The following UNC13C variants were observed in gnomAD, a reference collection of about 807,000 sequenced individuals.
The protein encoded by UNC13C is unc-13 homolog C, also known as protein unc-13 homolog C.
UNC13C carries 174 observed loss-of-function variants against 245.4 expected under a neutral mutation model. The ratio of observed to expected loss-of-function variants is 0.71; its 90% CI spans 0.63 to 0.80. The LOEUF (loss-of-function observed/expected upper bound fraction) is 0.80, where lower values mean the gene tolerates loss of function less well. Among genes scored for constraint, UNC13C ranks in the 30% least tolerant of loss-of-function variants. UNC13C has a pLI of 0.00. For synonymous variants in UNC13C, 992 were observed against 895.1 expected (o/e 1.11, Z -1.93); for missense variants, 2,829 against 2,602.9 (o/e 1.09, Z -1.89).
the UNC13C span, among the ~76,000 whole-genome samples, chr15:53,952,305 T>C: frequency 1.6e-4 from 25 of 152,174 alleles, no homozygotes; most frequent in Admixed American, 5.9e-4. Flanking sequence ...GACAATATCA[T>C]CTCTATTGGA....
chr15:54,451,733 A>G lies in UNC13C; in HGVS notation c.4933+36666A>G, dbSNP rs142848031. ...CTTACTGACCTTATTTAATATCATT[A>G]CTTTTAATTTTTCTGGTATTTGATA... On this transcript the variant is annotated intron_variant, in intron 19 of 32. Transcript: ENST00000260323. 7.2e-3 allele frequency among the ~76,000 whole-genome samples: 1,094 copies of G among 152,190 alleles called. 10 individuals carry two copies. The highest frequency in any genetic ancestry group is 0.037 in the Middle Eastern group (11 of 294).
intron 22 of UNC13C, among the ~76,000 whole-genome samples, chr15:54,503,860 TC>T (rs1397143567): frequency 6.6e-6 from 1 of 152,132 alleles, no homozygotes; most frequent in East Asian, 1.9e-4. Flanking sequence ...TATACTAAAA[TC>T]CCATTATCTT....
chr15:54,564,361 T>C (rs1284051056), intron 29 of UNC13C, among the ~76,000 whole-genome samples: 2 of 152,048 alleles, frequency 1.3e-5, no homozygotes, highest in Non-Finnish European at 2.9e-5. Flanking sequence ...TCTAAAACTT[T>C]AGGGACCTTT....
chr15:54,571,473 G>T (rs1250732236), intron 30 of UNC13C, among the ~76,000 whole-genome samples: 1 of 152,182 alleles, frequency 6.6e-6, no homozygotes, highest in African/African-American at 2.4e-5. Flanking sequence ...TTCCAGATGA[G>T]ATTTGGGTGG....
chr15:54,015,475 T>C lies in UNC13C; in HGVS notation c.2572T>C (p.Tyr858His), dbSNP rs1476569092. 1 of 1,613,286 alleles carries C rather than the reference T, an allele frequency of 6.2e-7. No homozygotes were observed. The highest frequency in any genetic ancestry group is 1.3e-5 in the African/African-American group (1 of 74,882). ...LDSDVYTEPY[Y>H]YKAEDEEDYT... ...CTCTGATGTCTACACGGAGCCCTAT[T>C]ACTATAAAGCAGAGGATGAGGAAGA... The change falls in exon 2 of 33, where the codon TAC becomes CAC. Residue 858 changes from tyrosine (Y) to histidine (H), a missense_variant. Tyr to His is a moderately conservative substitution (Grantham distance 83, BLOSUM62 2). Coordinates refer to ENST00000260323, the MANE Select transcript of UNC13C (RefSeq NM_001080534.3).
At chr15:54,008,388 A>G (rs1217236353) in intron 1 of UNC13C, among the ~76,000 whole-genome samples, 1 of 152,228 alleles carries the variant, frequency 6.6e-6, no homozygotes, top group Non-Finnish European at 1.5e-5. Context: ...AATGAGATAA[A>G]CTTTAGAAAA....
chr15:54,450,129 A>G lies in UNC13C; in HGVS notation c.4933+35062A>G, dbSNP rs150857246. On this transcript the variant is annotated intron_variant, in intron 19 of 32. Transcript: ENST00000260323. The stretch of plus-strand genomic sequence containing the variant: ...TGTTGCTACCTGATCGTTCCTCTGG[A>G]AGTTTCGTCTCAGAGGGCTACCCAG... Among the ~76,000 whole-genome samples the G allele has an allele frequency of 5.0e-3, 766 of 152,242 alleles. 5 individuals carry two copies. Among genetic ancestry groups the G allele is most frequent in the African/African-American group, 0.017 (716 of 41,544 alleles).
intron 16 of UNC13C, among the ~76,000 whole-genome samples, chr15:54,336,516 G>A (rs1181087343): frequency 4.6e-5 from 7 of 151,084 alleles, no homozygotes; most frequent in Admixed American, 4.0e-4. Flanking sequence ...TATGGATAAT[G>A]CTCTTGGTTA....
intron 4 of UNC13C, among the ~76,000 whole-genome samples, chr15:54,177,908 C>A (rs2033669254): frequency 6.6e-6 from 1 of 151,956 alleles, no homozygotes; most frequent in Admixed American, 6.6e-5. Flanking sequence ...CATTTTTTCT[C>A]ATTTTTTTCT....
At chr15:54,340,396 G>A (rs983459168) in intron 17 of UNC13C, among the ~76,000 whole-genome samples, 43 of 152,246 alleles carry the variant, frequency 2.8e-4, no homozygotes, top group African/African-American at 1.0e-3. Flanking sequence ...GATGTTATCT[G>A]CTAGAATTTT....
chr15:54,321,249 T>A, intron 13 of UNC13C: 1 of 483,292 alleles, frequency 2.1e-6, no homozygotes, highest in Non-Finnish European at 4.1e-6. Context: ...CAAGACCCCT[T>A]TTCTTGCCAC....
At chr15:54,348,444 G>A (rs1183070437) in intron 17 of UNC13C, among the ~76,000 whole-genome samples, 1 of 152,076 alleles carries the variant, frequency 6.6e-6, no homozygotes, top group African/African-American at 2.4e-5. Flanking sequence ...TATTGAATTT[G>A]TAGCATATAA....
intron 1 of UNC13C, among the ~76,000 whole-genome samples, chr15:54,004,213 G>A (rs1457279516): frequency 6.6e-6 from 1 of 152,044 alleles, no homozygotes; most frequent in African/African-American, 2.4e-5. Context: ...ATCTCCATGA[G>A]TTCAGTTGCT....
intron 29 of UNC13C, among the ~76,000 whole-genome samples, chr15:54,558,562 C>G (rs369923174): frequency 2.0e-5 from 3 of 152,066 alleles, no homozygotes; most frequent in South Asian, 4.2e-4. Flanking sequence ...CTTTCAGCCT[C>G]TATACAATAT....
At chr15:53,917,939 TC>T in the UNC13C span, among the ~76,000 whole-genome samples, 5 of 152,198 alleles carry the variant, frequency 3.3e-5, no homozygotes, top group East Asian at 9.6e-4. Flanking sequence ...TGAAAAGGTT[TC>T]TGCTCAATAA....
intron 19 of UNC13C, among the ~76,000 whole-genome samples, chr15:54,462,822 G>C (rs1379170448): frequency 1.3e-5 from 2 of 152,188 alleles, no homozygotes; most frequent in Admixed American, 6.5e-5. Flanking sequence ...AACCACCCAA[G>C]GGCTGAGGAG....
At chr15:54,214,942 A>T (rs907508111) in intron 4 of UNC13C, among the ~76,000 whole-genome samples, 1 of 151,690 alleles carries the variant, frequency 6.6e-6, no homozygotes, top group Non-Finnish European at 1.5e-5. Context: ...AATTAAAGGG[A>T]TTTTTTTTCA....
At chr15:54,229,880 G>A (rs2035500867) in intron 4 of UNC13C, among the ~76,000 whole-genome samples, 1 of 152,042 alleles carries the variant, frequency 6.6e-6, no homozygotes, top group Non-Finnish European at 1.5e-5. Flanking sequence ...TGTGGTATTT[G>A]TGTTTCTATG....
Position 54,402,771 on chromosome 15 carries a change from C to T in UNC13C, c.4847+9590C>T, listed in dbSNP as rs373626347. Among the ~76,000 whole-genome samples, 19 of 152,148 alleles carry T rather than the reference C, an allele frequency of 1.2e-4. 2 individuals carry two copies. The highest frequency in any genetic ancestry group is 9.8e-4 in the Admixed American group (15 of 15,284). On this transcript the variant is annotated intron_variant, in intron 18 of 32. Coordinates refer to ENST00000260323, the MANE Select transcript of UNC13C (RefSeq NM_001080534.3). ...ATAGGCAGAATCAAAATGTAAGCAG[C>T]CCTTTGAAATAACAAAAGGGTTAAT... is the stretch of plus-strand genomic sequence containing the variant.
Sources: allele counts gnomAD v4.1 joint callset (sites outside exome capture counted in the v4.1 genomes callset), GRCh38; gene constraint gnomAD v4.1.1; transcripts MANE v1.5; gene names NCBI Gene and HGNC (gene_info 2026-07-23, HGNC 2026-07-21).